Variants in BRPF3 observed in about 807,000 individuals in gnomAD.
BRPF3 encodes the protein bromodomain and PHD finger containing 3.
A neutral mutation model predicts 102.0 loss-of-function variants in BRPF3; 18 were observed. That is an observed-to-expected ratio of 0.18 (90% CI 0.12 to 0.26). The LOEUF is 0.26. BRPF3 is among the 10% of genes least tolerant of loss of function. The probability of loss-of-function intolerance (pLI) is 1.00; values close to 1 mark genes in which losing one functional copy is unlikely to be tolerated. For synonymous variants in BRPF3, 570 were observed against 614.2 expected (o/e 0.93, Z 1.06); for missense variants, 1,147 against 1,567.8 (o/e 0.73, Z 4.53).
rs145016452 is a variant in BRPF3 at position 36,217,982 on chromosome 6, A to G, written c.3055A>G (p.Ser1019Gly). 2.5e-3 allele frequency: 3,985 copies of G among 1,613,320 alleles called. 12 individuals are homozygous for G. The highest frequency in any genetic ancestry group is 0.016 in the Middle Eastern group (98 of 6,052). The part of the protein sequence containing the change: ...GSDSECSLGL[S>G]GGLAFEACSG... ...TGACTCTGAATGTAGTTTGGGTCTC[A>G]GTGGTGGACTGGCATTTGAAGCTTG... is the stretch of plus-strand genomic sequence containing the variant. Residue 1019 changes from serine to glycine, a missense_variant, in exon 9 of 13, where the codon AGT (serine) becomes GGT (glycine). By Grantham distance (56) the Ser-to-Gly change is moderately conservative. Transcript: ENST00000357641.
Position 36,230,465 on chromosome 6 carries a change from G to A in BRPF3, c.3474G>A (p.Val1158=). 6.2e-7 allele frequency: 1 copy of A among 1,614,174 alleles called. No homozygotes were observed. The highest frequency in any genetic ancestry group is 1.1e-5 in the South Asian group (1 of 91,084). ...GGGACAAAGTCCTGCCCTTGGGTGT[G>A]GAAGACACCGTGGACAAGCTCAAGA... ...LPRDKVLPLG[V]EDTVDKLKML... Residue 1158 remains valine, a synonymous_variant, in exon 13 of 13, where the codon GTG becomes GTA. Coordinates refer to ENST00000357641, the MANE Select transcript of BRPF3 (RefSeq NM_015695.3). This position sits in a 1 kb window ranked among gnomAD's most constrained non-coding sequence, Gnocchi z 5.4.
intron 8 of BRPF3, among the ~76,000 whole-genome samples, chr6:36,215,251 G>A (rs1422906506): frequency 1.3e-5 from 2 of 152,138 alleles, no homozygotes; most frequent in Non-Finnish European, 1.5e-5. Context: ...CAAGTAGCTG[G>A]ACTACAGGTG....
chr6:36,217,178 TAGTA>T (rs1768359002), intron 8 of BRPF3, among the ~76,000 whole-genome samples: 1 of 152,112 alleles, frequency 6.6e-6, no homozygotes, highest in African/African-American at 2.4e-5. Context: ...ACATACTGAA[TAGTA>T]AGTAAGTAAG....
chr6:36,208,917 C>G (rs190474870), intron 4 of BRPF3, among the ~76,000 whole-genome samples: 1 of 152,206 alleles, frequency 6.6e-6, no homozygotes, highest in African/African-American at 2.4e-5. Context: ...CGGGGGCAAG[C>G]CTGGAGGCCC....
At chr6:36,226,589 A>C (rs140562233) in intron 11 of BRPF3, among the ~76,000 whole-genome samples, 24 of 152,266 alleles carry the variant, frequency 1.6e-4, no homozygotes, top group African/African-American at 3.4e-4. Context: ...CAGGGTTGGG[A>C]ACCACCCCAC....
intron 2 of BRPF3, among the ~76,000 whole-genome samples, chr6:36,202,785 A>G (rs867542168): frequency 5.3e-5 from 8 of 152,220 alleles, no homozygotes; most frequent in Non-Finnish European, 8.8e-5. Context: ...GGAAAGTGAC[A>G]GACCCTATAC....
chr6:36,211,396 G>A lies in BRPF3; in HGVS notation c.2318G>A (p.Arg773Gln), dbSNP rs373733974. The change falls in exon 7 of 13, where the codon CGG becomes CAG. Residue 773 changes from arginine (R) to glutamine (Q), a missense_variant. Physicochemically the swap from Arg to Gln is conservative, Grantham distance 43 (BLOSUM62 1). Transcript: ENST00000357641. Reference protein sequence around the residue: ...ARTRRVRLLRREINALRQKLA... With the variant: ...ARTRRVRLLRQEINALRQKLA... ...ACCCGTCGTGTCCGCCTGCTACGCC[G>A]GGAGATCAATGCCCTTCGGCAGAAG... 8 of 1,613,976 alleles carry A rather than the reference G, an allele frequency of 5.0e-6. No individual in the cohort carries two copies. Among genetic ancestry groups the A allele is most frequent in the East Asian group, 2.2e-5 (1 of 44,886 alleles).
Position 36,230,559 on chromosome 6 carries a change from C to T in BRPF3, c.3568C>T (p.Leu1190=), listed in dbSNP as rs1167758421. The change falls in exon 13 of 13, where the codon CTG becomes TTG. Residue 1190 remains leucine (L), a synonymous_variant. Coordinates refer to ENST00000357641, the MANE Select transcript of BRPF3 (RefSeq NM_015695.3). The surrounding 1 kb of genome is among the most constrained non-coding windows in gnomAD (Gnocchi z 5.4). ...GGCCTATGACCGTGCGATGATCCAC[C>T]TGAGCAGAGTCCGGGGGCCCCACTC... ...QVAYDRAMIH[L]SRVRGPHSFV... is the part of the protein sequence containing the mutation. 1.9e-6 allele frequency: 3 copies of T among 1,614,190 alleles called. No homozygotes were observed. The highest frequency in any genetic ancestry group is 3.3e-5 in the Admixed American group (2 of 60,020).
At chr6:36,199,246 A>G (rs1308202133) in intron 1 of BRPF3, among the ~76,000 whole-genome samples, 1 of 152,186 alleles carries the variant, frequency 6.6e-6, no homozygotes, top group Non-Finnish European at 1.5e-5. Flanking sequence ...TAGGAGCGCG[A>G]ACCCTACTGT....
intron 8 of BRPF3, among the ~76,000 whole-genome samples, chr6:36,216,517 A>C (rs1268894541): frequency 6.6e-6 from 1 of 152,234 alleles, no homozygotes; most frequent in East Asian, 1.9e-4. Flanking sequence ...TGAGGCACCC[A>C]AGACACAGAT....
At chr6:36,211,203 T>C (rs1476083436) in intron 6 of BRPF3, 55 bp from the exon 7 acceptor site, 2 of 1,550,860 alleles carry the variant, frequency 1.3e-6, no homozygotes, top group Non-Finnish European at 1.8e-6. Flanking sequence ...CCCTTTCTCT[T>C]GCCCTGTGCT....
At chr6:36,204,383 G>T in intron 2 of BRPF3, 1 of 466,008 alleles carries the variant, frequency 2.1e-6, no homozygotes, top group Non-Finnish European at 3.9e-6. Flanking sequence ...AGGAAGTCCA[G>T]GACCATAGGA....
intron 9 of BRPF3, among the ~76,000 whole-genome samples, chr6:36,220,266 TAGC>T (rs1768487674): frequency 6.6e-6 from 1 of 152,238 alleles, no homozygotes; most frequent in African/African-American, 2.4e-5. Flanking sequence ...AGTACAGTAT[TAGC>T]AGTTTGTAAT....
At chr6:36,208,526 G>C (rs898407097) in intron 4 of BRPF3, among the ~76,000 whole-genome samples, 1 of 152,192 alleles carries the variant, frequency 6.6e-6, no homozygotes. Flanking sequence ...TTCTAATTCA[G>C]TGGTCAGCCT....
At chr6:36,204,880 T>A in intron 3 of BRPF3, 66 bp downstream of exon 3, 1 of 1,578,900 alleles carries the variant, frequency 6.3e-7, no homozygotes, top group African/African-American at 1.3e-5. Flanking sequence ...GAATGATGGT[T>A]GGGGTGGGGC....
At chr6:36,199,572 A>G (rs1262972239) in intron 1 of BRPF3, among the ~76,000 whole-genome samples, 1 of 152,036 alleles carries the variant, frequency 6.6e-6, no homozygotes, top group African/African-American at 2.4e-5. Flanking sequence ...TTGGGAGAAG[A>G]CTCTAGTGAC....
At chr6:36,220,319 A>G (rs2127293968) in intron 9 of BRPF3, among the ~76,000 whole-genome samples, 1 of 152,344 alleles carries the variant, frequency 6.6e-6, no homozygotes, top group South Asian at 2.1e-4. Flanking sequence ...CCTTCGTATG[A>G]CAATAACTAC....
intron 11 of BRPF3, 26 bp downstream of exon 11, chr6:36,225,390 C>T (rs779908720): frequency 6.3e-7 from 1 of 1,588,794 alleles, no homozygotes; most frequent in African/African-American, 1.3e-5. Flanking sequence ...ACGCCACCCT[C>T]CTATCTCCCC....
At chr6:36,208,228 C>G (rs1767974305) in intron 4 of BRPF3, among the ~76,000 whole-genome samples, 1 of 152,204 alleles carries the variant, frequency 6.6e-6, no homozygotes, top group South Asian at 2.1e-4. Flanking sequence ...GAAGTGTCTA[C>G]TGCACATGGC....
Sources: gnomAD v4.1 joint callset for allele counts (sites outside exome capture counted in the v4.1 genomes callset) on GRCh38, gnomAD v4.1.1 for gene constraint, Gnocchi (gnomAD v3.1) non-coding constraint, MANE v1.5 for transcripts, NCBI Gene and HGNC (gene_info 2026-07-23, HGNC 2026-07-21) for gene names.